BRD10: variants seen among roughly 807,000 people sequenced by gnomAD.
BRD10 encodes the protein bromodomain containing 10.
chr9:5,985,253 A>C, the BRD10 span, among the ~76,000 whole-genome samples: 1 of 152,242 alleles, frequency 6.6e-6, no homozygotes, highest in African/African-American at 2.4e-5. Flanking sequence ...CACAAAAATT[A>C]ACTTCAAAAG....
chr9:5,948,959 C>T, the BRD10 span, among the ~76,000 whole-genome samples: 1 of 151,978 alleles, frequency 6.6e-6, no homozygotes, highest in Non-Finnish European at 1.5e-5. Context: ...TAAAAACTTG[C>T]AAATAAGGAT....
chr9:5,983,899 C>T, the BRD10 span, among the ~76,000 whole-genome samples: 1 of 149,584 alleles, frequency 6.7e-6, no homozygotes, highest in Admixed American at 6.7e-5. Flanking sequence ...TAGTAAAACA[C>T]GTCATACTTA....
the BRD10 span, chr9:5,921,824 T>C: frequency 1.2e-6 from 2 of 1,614,020 alleles, no homozygotes; most frequent in South Asian, 2.2e-5. Context: ...AGAGGGCATG[T>C]GTGAAGTTTT....
chr9:5,972,669 G>A, the BRD10 span, among the ~76,000 whole-genome samples: 1 of 152,160 alleles, frequency 6.6e-6, no homozygotes, highest in East Asian at 1.9e-4. Context: ...TTCACCTTTT[G>A]CTAGGAGTAG....
the BRD10 span, chr9:5,919,970 G>A: frequency 4.3e-6 from 7 of 1,613,864 alleles, no homozygotes; most frequent in African/African-American, 1.3e-5. Context: ...AGTAGCTGGA[G>A]ACTTAATTAC....
chr9:5,964,499 G>A, the BRD10 span, among the ~76,000 whole-genome samples: 7 of 142,602 alleles, frequency 4.9e-5, no homozygotes, highest in South Asian at 4.6e-4. Context: ...TCAGTGTGGC[G>A]ATTCCTCAGG....
chr9:5,928,829 T>G, the BRD10 span, among the ~76,000 whole-genome samples: 12 of 96,414 alleles, frequency 1.2e-4, no homozygotes, highest in African/African-American at 3.1e-4. Context: ...TGAGTGTGTT[T>G]TTTTCCATGA....
At chr9:5,887,362 G>A in the BRD10 span, among the ~76,000 whole-genome samples, 1 of 152,318 alleles carries the variant, frequency 6.6e-6, no homozygotes, top group East Asian at 1.9e-4. Flanking sequence ...ATCCTCTGGG[G>A]GAGGGGATGA....
At chr9:5,991,250 A>G in the BRD10 span, among the ~76,000 whole-genome samples, 1 of 152,050 alleles carries the variant, frequency 6.6e-6, no homozygotes, top group Non-Finnish European at 1.5e-5. Flanking sequence ...ATTAGTTTTC[A>G]TATGATATGT....
chr9:5,989,550 T>A, the BRD10 span, among the ~76,000 whole-genome samples: 1 of 150,672 alleles, frequency 6.6e-6, no homozygotes, highest in Non-Finnish European at 1.5e-5. Flanking sequence ...ATTTTTTTTT[T>A]TTTTTTTTGA....
the BRD10 span, among the ~76,000 whole-genome samples, chr9:5,957,850 G>A: frequency 1.3e-5 from 2 of 151,950 alleles, no homozygotes; most frequent in Non-Finnish European, 1.5e-5. Flanking sequence ...GCCTTTATTT[G>A]GTAACCTGTT....
the BRD10 span, among the ~76,000 whole-genome samples, chr9:5,979,536 C>A: frequency 6.6e-6 from 1 of 151,276 alleles, no homozygotes; most frequent in Non-Finnish European, 1.5e-5. Flanking sequence ...AAAAAAAAAT[C>A]CACTATTTCT....
At chr9:5,942,741 T>A in the BRD10 span, among the ~76,000 whole-genome samples, 7 of 152,168 alleles carry the variant, frequency 4.6e-5, no homozygotes, top group Non-Finnish European at 8.8e-5. Context: ...TTAAAACTAA[T>A]ATGCAAACAT....
At chr9:5,975,243 C>G in the BRD10 span, among the ~76,000 whole-genome samples, 4 of 151,774 alleles carry the variant, frequency 2.6e-5, no homozygotes, top group East Asian at 3.9e-4. Context: ...CAAAACCAAC[C>G]TGACCAACAT....
chr9:5,931,289 A>G, the BRD10 span, among the ~76,000 whole-genome samples: 1 of 152,190 alleles, frequency 6.6e-6, no homozygotes, highest in Admixed American at 6.5e-5. Context: ...GAGGCACAGG[A>G]TGGGGAGACT....
At chr9:5,932,539 A>G in the BRD10 span, among the ~76,000 whole-genome samples, 2 of 152,220 alleles carry the variant, frequency 1.3e-5, no homozygotes, top group African/African-American at 4.8e-5. Context: ...TGTAGTAGAT[A>G]TTATAAGTAA....
At chr9:5,969,175 G>T in the BRD10 span, 1 of 1,613,852 alleles carries the variant, frequency 6.2e-7, no homozygotes, top group South Asian at 1.1e-5. Context: ...GTCTGCGATG[G>T]GGAGGACTTA....
chr9:6,006,067 G>A, the BRD10 span, among the ~76,000 whole-genome samples: 1 of 152,190 alleles, frequency 6.6e-6, no homozygotes, highest in Admixed American at 6.5e-5. Context: ...ACAATTTCTA[G>A]GAGCTATTCT....
the BRD10 span, among the ~76,000 whole-genome samples, chr9:5,882,798 G>A: frequency 2.6e-5 from 4 of 152,060 alleles, no homozygotes; most frequent in African/African-American, 9.7e-5. Context: ...TGTATATGTG[G>A]CACATATACA....
Sources: allele counts gnomAD v4.1 joint callset (sites outside exome capture counted in the v4.1 genomes callset), GRCh38; gene constraint gnomAD v4.1.1; transcripts MANE v1.5; gene names NCBI Gene and HGNC (gene_info 2026-07-23, HGNC 2026-07-21).